Variants in MAST1 observed in about 807,000 individuals in gnomAD.
MAST1 encodes microtubule-associated serine/threonine-protein kinase 1.
In MAST1, 40 loss-of-function variants were observed where a neutral mutation model predicts 124.6. That is an observed-to-expected ratio of 0.32 (90% CI 0.25 to 0.42). MAST1 has a LOEUF of 0.42. MAST1 is among the 10% of genes least tolerant of loss of function. The pLI, the probability that MAST1 is intolerant of heterozygous loss-of-function variation, is 1.00. For missense variants in MAST1, 1,558 were observed against 2,181.9 expected (o/e 0.71, Z 5.70); for synonymous variants, 938 against 939.4 (o/e 1.00, Z 0.03).
In MAST1 at chr19:12,845,411, C is replaced by CAAAAAAAAAAA. The variant is rs540488398; in HGVS notation, c.327+1817_327+1827dup. 1.5e-3 allele frequency among the ~76,000 whole-genome samples: 105 copies of CAAAAAAAAAAA among 69,080 alleles called. 4 individuals carry two copies. The highest frequency in any genetic ancestry group is 6.1e-3 in the South Asian group (10 of 1,636). 45.3% of individuals were successfully genotyped at this position (69,080 alleles called of 152,430 possible). A position where few individuals can be genotyped will look rare whatever the true frequency, so the allele number is the denominator to read the frequency against. ...GCAACGTGATGAAACCCTGTTTCTACAAAAAAAAAAAAAAAAAAAAAAATT... is the reference window on the plus strand; with the variant it reads ...GCAACGTGATGAAACCCTGTTTCTACAAAAAAAAAAAAAAAAAAAAAAAAAAAAAAAAAATT... On this transcript the variant is annotated intron_variant, in intron 4 of 25. Coordinates refer to ENST00000251472, the MANE Select transcript of MAST1 (RefSeq NM_014975.3).
Position 12,874,558 on chromosome 19 carries a change from G to A in MAST1, c.4401G>A (p.Ala1467=). The change falls in exon 26 of 26, where the codon GCG becomes GCA. Residue 1467 remains alanine (A), a synonymous_variant. Coordinates refer to ENST00000251472, the MANE Select transcript of MAST1 (RefSeq NM_014975.3). This position sits in a 1 kb window ranked among gnomAD's most constrained non-coding sequence, Gnocchi z 6.6. ...SKGLQEPAPL[A]PSVPEAPRGR... is the part of the protein sequence containing the mutation. ...GGTTGCAGGAACCCGCACCCCTGGC[G>A]CCTTCCGTGCCCGAGGCCCCCCGGG... 4 of 1,508,084 alleles carry A rather than the reference G, an allele frequency of 2.7e-6. No individual in the cohort carries two copies. Among genetic ancestry groups the A allele is most frequent in the South Asian group, 2.7e-5 (2 of 75,456 alleles). The allele number at this position is 1,508,084 out of a possible 1,614,324, so 93.4% of individuals were successfully genotyped here. A position where few individuals can be genotyped will look rare whatever the true frequency, so the allele number is the denominator to read the frequency against.
intron 1 of MAST1, 93 bp from the exon 2 acceptor site, chr19:12,840,353 G>A: frequency 1.3e-6 from 1 of 789,850 alleles, no homozygotes; most frequent in South Asian, 1.5e-5. Context: ...ATGGGAGATA[G>A]GCGGGGATCT....
rs201548961 is a variant in MAST1 at position 12,856,304 on chromosome 19, C to CT, written c.1078-2042dup. 6.1e-3 allele frequency among the ~76,000 whole-genome samples: 845 copies of CT among 139,188 alleles called. 1 individual carries two copies. Among genetic ancestry groups the CT allele is most frequent in the Non-Finnish European group, 7.9e-3 (502 of 63,516 alleles). 91.3% of individuals were successfully genotyped at this position (139,188 alleles called of 152,430 possible). A position where few individuals can be genotyped will look rare whatever the true frequency, so the allele number is the denominator to read the frequency against. On this transcript the variant is annotated intron_variant, in intron 10 of 25. Coordinates refer to ENST00000251472, the MANE Select transcript of MAST1 (RefSeq NM_014975.3). ...ATGATTACATAGTTTTATTTTGCCACTTTTTTTTTTTTTTTTAGACAAAGT... is the reference window on the plus strand; with the variant it reads ...ATGATTACATAGTTTTATTTTGCCACTTTTTTTTTTTTTTTTTAGACAAAGT...
Position 12,867,841 on chromosome 19 carries a change from C to G in MAST1, c.2430C>G (p.Pro810=), listed in dbSNP as rs56114354. 1.0e-5 allele frequency: 16 copies of G among 1,603,542 alleles called. No homozygotes were observed. The Admixed American group carries it at 1.4e-4, about 14-fold the overall frequency. The change falls in exon 20 of 26, where the codon CCC becomes CCG. Residue 810 remains proline (P), a synonymous_variant. Coordinates refer to ENST00000251472, the MANE Select transcript of MAST1 (RefSeq NM_014975.3). ...ALLEPSRFSA[P]QEDEDEARLR... ...TGGAGCCCAGCCGCTTCAGCGCCCCCCAAGAGGACGAGGATGAGGCCCGGC... is the reference window on the plus strand; with the variant it reads ...TGGAGCCCAGCCGCTTCAGCGCCCCGCAAGAGGACGAGGATGAGGCCCGGC...
In MAST1 at chr19:12,853,263, G is replaced by A. The variant is rs189358159; in HGVS notation, c.1077+868G>A. ...TGGGATTACAGGCATGAGCCACCGC[G>A]CCCGGCCTTTTTAACCATTTTAAAA... On this transcript the variant is annotated intron_variant, in intron 10 of 25. Transcript: ENST00000251472. 4.9e-3 allele frequency among the ~76,000 whole-genome samples: 729 copies of A among 149,480 alleles called. 5 individuals carry two copies. The highest frequency in any genetic ancestry group is 8.3e-3 in the Non-Finnish European group (558 of 67,534).
At chr19:12,855,158 A>G (rs1365289633) in intron 10 of MAST1, among the ~76,000 whole-genome samples, 1 of 152,138 alleles carries the variant, frequency 6.6e-6, no homozygotes, top group East Asian at 1.9e-4. Context: ...TGCTGGAACC[A>G]GGGAGACAAA....
At chr19:12,842,771 C>A (rs1969848060) in intron 3 of MAST1, among the ~76,000 whole-genome samples, 1 of 152,106 alleles carries the variant, frequency 6.6e-6, no homozygotes, top group Non-Finnish European at 1.5e-5. Flanking sequence ...CTGGAACGTG[C>A]ATCTGTGTGA....
rs1321276850 is a variant in MAST1 at position 12,865,706 on chromosome 19, T to C, written c.1805-11T>C. 2 of 1,601,384 alleles carry C rather than the reference T, an allele frequency of 1.2e-6. No homozygotes were observed. Among genetic ancestry groups the C allele is most frequent in the Admixed American group, 1.7e-5 (1 of 57,248 alleles). On this transcript the variant is annotated splice_polypyrimidine_tract_variant and intron_variant, in intron 15 of 25. Transcript: ENST00000251472. This position sits in a 1 kb window ranked among gnomAD's most constrained non-coding sequence, Gnocchi z 7.1. ...ACAAAAACCGCCCCTAAGTTCCGTTTTGTTTTGCAGATGACATCCTGTGGC... is the reference window on the plus strand; with the variant it reads ...ACAAAAACCGCCCCTAAGTTCCGTTCTGTTTTGCAGATGACATCCTGTGGC...
In MAST1 at chr19:12,864,819, T is replaced by C; in HGVS notation, c.1377T>C (p.Cys459=). The stretch of plus-strand genomic sequence containing the variant: ...TTTCCTGGCCTGCAGGCGGCGACTG[T>C]GCCACCCTGCTGAAGAATATTGGAG... ...MVMEYVEGGD[C]ATLLKNIGAL... Residue 459 remains cysteine (C), a synonymous_variant, in exon 13 of 26, where the codon TGT becomes TGC. Transcript: ENST00000251472. 1 of 1,613,898 alleles carries C rather than the reference T, an allele frequency of 6.2e-7. No individual in the cohort carries two copies. Among genetic ancestry groups the C allele is most frequent in the Non-Finnish European group, 8.5e-7 (1 of 1,180,030 alleles).
rs1305387753 is a variant in MAST1 at position 12,851,990 on chromosome 19, G to T, written c.831G>T (p.Lys277Asn). The change falls in exon 8 of 26, where the codon AAG becomes AAT. Residue 277 changes from lysine to asparagine, a missense_variant. Lys to Asn is a moderately conservative substitution (Grantham distance 94). Around this residue, in one of 10 missense-constraint regions of MAST1, gnomAD observed 165 missense variants for 315.3 expected, o/e 0.52. Coordinates refer to ENST00000251472, the MANE Select transcript of MAST1 (RefSeq NM_014975.3). ...EVAFVTQLVK[K>N]LLIIISRPAR... is the part of the protein sequence containing the mutation. ...CCTTCGTTACTCAGCTGGTGAAGAA[G>T]TTGCTTATTATCATCTCACGCCCTG... The T allele has an allele frequency of 5.0e-6, 8 of 1,614,010 alleles. No homozygotes were observed. Among genetic ancestry groups the T allele is most frequent in the Non-Finnish European group, 6.8e-6 (8 of 1,180,048 alleles).
Position 12,865,876 on chromosome 19 carries a change from C to T in MAST1, c.1906+58C>T. 1.2e-6 allele frequency: 2 copies of T among 1,602,854 alleles called. No homozygotes were observed. The highest frequency in any genetic ancestry group is 8.5e-7 in the Non-Finnish European group (1 of 1,172,572). On this transcript the variant is annotated intron_variant, in intron 16 of 25. Transcript: ENST00000251472. The surrounding 1 kb of genome is among the most constrained non-coding windows in gnomAD (Gnocchi z 7.1). ...ACTGATAGAGAGCAGGCCTCCAAAA[C>T]CCCAGGCCCAGCCTGTGCTGTGGCC...
Position 12,865,563 on chromosome 19 carries a change from A to G in MAST1, c.1804+82A>G. The stretch of plus-strand genomic sequence containing the variant: ...GGCTCAGGGTTCCAGGGATTTCAAA[A>G]GCGACCCCCCAGAGGATCGCTTGCA... On this transcript the variant is annotated intron_variant, in intron 15 of 25. Coordinates refer to ENST00000251472, the MANE Select transcript of MAST1 (RefSeq NM_014975.3). The surrounding 1 kb of genome is among the most constrained non-coding windows in gnomAD (Gnocchi z 7.1). 5 of 1,516,976 alleles carry G rather than the reference A, an allele frequency of 3.3e-6. No homozygotes were observed. Among genetic ancestry groups the G allele is most frequent in the Non-Finnish European group, 4.4e-6 (5 of 1,127,810 alleles). The allele number at this position is 1,516,976 out of a possible 1,614,324, so 94.0% of individuals were successfully genotyped here. A position where few individuals can be genotyped will look rare whatever the true frequency, so the allele number is the denominator to read the frequency against.
At chr19:12,872,361 A>G (rs983112378) in intron 24 of MAST1, among the ~76,000 whole-genome samples, 1 of 152,150 alleles carries the variant, frequency 6.6e-6, no homozygotes, top group African/African-American at 2.4e-5. Context: ...AGATAAGTAC[A>G]TTTCTTCCCA....
At chr19:12,871,526 G>A (rs956692061) in intron 24 of MAST1, among the ~76,000 whole-genome samples, 1 of 152,110 alleles carries the variant, frequency 6.6e-6, no homozygotes, top group Non-Finnish European at 1.5e-5. Flanking sequence ...AGAATCCCTT[G>A]AACCCGGGAG....
At chr19:12,868,007 A>G (rs1230206105) in intron 20 of MAST1, 30 bp downstream of exon 20, 4 of 1,510,940 alleles carry the variant, frequency 2.6e-6, no homozygotes, top group South Asian at 2.7e-5. Flanking sequence ...GCCTTCCCCA[A>G]TCTTCCCCAA....
rs768198100 is a variant in MAST1, at chr19:12,852,165, C to T, written c.927C>T (p.His309=). 38 of 1,613,882 alleles carry T rather than the reference C, an allele frequency of 2.4e-5. No homozygotes were observed. Among genetic ancestry groups the T allele is most frequent in the Middle Eastern group, 1.6e-4 (1 of 6,084 alleles). ...ACCTGCTGGAGGCGGCCGAAGGACA[C>T]GCCAAGGAGGGCCACCTTGTGAAGA... The part of the protein sequence containing the change: ...FYHLLEAAEG[H]AKEGHLVKTD... The change falls in exon 9 of 26, where the codon CAC becomes CAT. Residue 309 remains histidine (H), a synonymous_variant. Coordinates refer to ENST00000251472, the MANE Select transcript of MAST1 (RefSeq NM_014975.3).
At chr19:12,860,446 C>CT (rs397956908) in intron 12 of MAST1, among the ~76,000 whole-genome samples, 28,649 of 116,548 alleles carry the variant, frequency 0.25, 4,353 homozygotes, top group East Asian at 0.59. Context: ...TTCTTTCTTT[C>CT]TTTTTTTTTT....
intron 24 of MAST1, 162 bp from the exon 25 acceptor site, chr19:12,873,162 G>A: frequency 1.5e-6 from 1 of 661,382 alleles, no homozygotes; most frequent in Non-Finnish European, 2.6e-6. Context: ...GAGCCAAGCA[G>A]CACTGAGCTA....
At chr19:12,852,066 T>C (rs1343234827) in intron 8 of MAST1, 31 bp downstream of exon 8, 6 of 1,613,608 alleles carry the variant, frequency 3.7e-6, no homozygotes, top group African/African-American at 1.3e-5. Flanking sequence ...TAGGGGTGGG[T>C]TGGTAGACCC....
Sources: allele counts gnomAD v4.1 joint callset (sites outside exome capture counted in the v4.1 genomes callset), GRCh38; gene constraint gnomAD v4.1.1; regional missense constraint gnomAD v4.1.1; non-coding constraint Gnocchi (gnomAD v3.1); transcripts MANE v1.5; gene names NCBI Gene and HGNC (gene_info 2026-07-23, HGNC 2026-07-21).